WDR25: variants seen among roughly 807,000 people sequenced by gnomAD.
The protein encoded by WDR25 is WD repeat domain 25.
In WDR25, 35 loss-of-function variants were observed where a neutral mutation model predicts 47.7. The observed-to-expected ratio is 0.73, with a 90% CI of 0.56 to 0.97. The LOEUF (loss-of-function observed/expected upper bound fraction) is 0.97, where lower values mean the gene tolerates loss of function less well. Among genes scored for constraint, WDR25 ranks in the 50% least tolerant of loss-of-function variants. The pLI, the probability that WDR25 is intolerant of heterozygous loss-of-function variation, is 0.00. For missense variants in WDR25, 634 were observed against 704.7 expected (o/e 0.90, Z 1.14); for synonymous variants, 248 against 278.9 (o/e 0.89, Z 1.10).
intron 4 of WDR25, among the ~76,000 whole-genome samples, chr14:100,484,515 C>G (rs1474495552): frequency 2.0e-5 from 3 of 151,708 alleles, no homozygotes; most frequent in African/African-American, 7.3e-5. Context: ...TGTTTGCATG[C>G]TTGCGAGAGG....
intron 4 of WDR25, among the ~76,000 whole-genome samples, chr14:100,489,091 A>G (rs992871850): frequency 6.6e-6 from 1 of 152,254 alleles, no homozygotes; most frequent in African/African-American, 2.4e-5. Context: ...CAAATGGGAT[A>G]TGAAGGCTAG....
intron 4 of WDR25, among the ~76,000 whole-genome samples, chr14:100,519,080 A>G (rs573762736): frequency 1.3e-5 from 2 of 152,272 alleles, no homozygotes; most frequent in African/African-American, 4.8e-5. Context: ...CTTTGGGTCA[A>G]CAGCAGGAGT....
At chr14:100,505,286 T>C (rs1901073789) in intron 4 of WDR25, among the ~76,000 whole-genome samples, 1 of 152,208 alleles carries the variant, frequency 6.6e-6, no homozygotes, top group Non-Finnish European at 1.5e-5. Context: ...TCAACAGTTA[T>C]TTATTTCTTT....
intron 2 of WDR25, among the ~76,000 whole-genome samples, chr14:100,408,528 C>G (rs560456820): frequency 2.0e-5 from 3 of 152,120 alleles, no homozygotes; most frequent in South Asian, 2.1e-4. Context: ...TCTGTGCCCC[C>G]CTCCAATCCC....
At chr14:100,435,018 A>G (rs893000471) in intron 2 of WDR25, among the ~76,000 whole-genome samples, 19 of 152,166 alleles carry the variant, frequency 1.2e-4, no homozygotes, top group Non-Finnish European at 2.5e-4. Flanking sequence ...ATGTAGGTGC[A>G]TGAGAACTGT....
intron 2 of WDR25, among the ~76,000 whole-genome samples, chr14:100,408,154 A>C (rs57798805): frequency 0.024 from 3,712 of 152,152 alleles, 161 homozygotes; most frequent in African/African-American, 0.086. Context: ...ACGTGCGTGA[A>C]GCGGTGTGTA....
intron 4 of WDR25, among the ~76,000 whole-genome samples, chr14:100,493,616 G>A (rs1900636748): frequency 6.6e-6 from 1 of 152,150 alleles, no homozygotes; most frequent in South Asian, 2.1e-4. Context: ...TACAGATGGT[G>A]AACCCACAGT....
At chr14:100,415,722 C>T (rs1032985334) in intron 2 of WDR25, among the ~76,000 whole-genome samples, 1 of 152,138 alleles carries the variant, frequency 6.6e-6, no homozygotes, top group African/African-American at 2.4e-5. Flanking sequence ...GCTATGGGAA[C>T]TGGGGCTTAG....
intron 1 of WDR25, among the ~76,000 whole-genome samples, chr14:100,380,597 C>T (rs911370720): frequency 3.3e-5 from 5 of 151,192 alleles, no homozygotes; most frequent in African/African-American, 4.9e-5. Context: ...CAGGTTCAAG[C>T]GATCTCCTGC....
At chr14:100,459,882 A>ATGTGTGTGTGTGTGTGTGTGTG in intron 2 of WDR25, among the ~76,000 whole-genome samples, 1 of 72,078 alleles carries the variant, frequency 1.4e-5, no homozygotes, top group East Asian at 3.9e-4. Flanking sequence ...ATATCCGTAT[A>ATGTGTGTGTGTGTGTGTGTGTG]TGTGTGTGTG....
chr14:100,403,382 T>C (rs751338104), intron 2 of WDR25, among the ~76,000 whole-genome samples: 3 of 152,096 alleles, frequency 2.0e-5, no homozygotes, highest in Non-Finnish European at 4.4e-5. Context: ...GGAGAGTGAA[T>C]TGGAGGCAAA....
chr14:100,452,700 G>A (rs1052283948), intron 2 of WDR25, among the ~76,000 whole-genome samples: 2 of 151,828 alleles, frequency 1.3e-5, no homozygotes, highest in Non-Finnish European at 2.9e-5. Flanking sequence ...TTTGTGGGGT[G>A]GGGGGCTATA....
At position 100,525,962 on chromosome 14, in the gene WDR25, C is replaced by T; in HGVS notation, c.1194C>T (p.Ser398=). The part of the protein sequence containing the change: ...GSEFLSSTDA[S]TRDSADRTII... ...AGTTCCTGAGCAGCACAGACGCTTCCACCCGGGACTCAGCTGACCGCACCA... is the reference window on the plus strand; with the variant it reads ...AGTTCCTGAGCAGCACAGACGCTTCTACCCGGGACTCAGCTGACCGCACCA... The change falls in exon 5 of 7, where the codon TCC becomes TCT. Residue 398 remains serine (S), a synonymous_variant. Coordinates refer to ENST00000402312, the MANE Select transcript of WDR25 (RefSeq NM_001161476.3). This position sits in a 1 kb window ranked among gnomAD's most constrained non-coding sequence, Gnocchi z 4.6. The T allele has an allele frequency of 6.2e-7, 1 of 1,614,092 alleles. No homozygotes were observed. The highest frequency in any genetic ancestry group is 8.5e-7 in the Non-Finnish European group (1 of 1,179,990).
intron 4 of WDR25, among the ~76,000 whole-genome samples, chr14:100,493,307 T>C (rs1279536030): frequency 6.6e-6 from 1 of 152,190 alleles, no homozygotes; most frequent in Non-Finnish European, 1.5e-5. Context: ...CCCCAGCCCC[T>C]GGCAACCATA....
At chr14:100,510,125 C>T (rs1901253686) in intron 4 of WDR25, among the ~76,000 whole-genome samples, 1 of 151,796 alleles carries the variant, frequency 6.6e-6, no homozygotes, top group African/African-American at 2.4e-5. Context: ...CACAAAATAG[C>T]TGGGCGTGGT....
intron 3 of WDR25, among the ~76,000 whole-genome samples, chr14:100,483,419 T>G (rs975078153): frequency 6.6e-6 from 1 of 152,170 alleles, no homozygotes; most frequent in African/African-American, 2.4e-5. Context: ...CCCTGTCCAA[T>G]CTGTGCTTGG....
intron 4 of WDR25, among the ~76,000 whole-genome samples, chr14:100,485,731 C>G (rs1900361706): frequency 6.6e-6 from 1 of 152,182 alleles, no homozygotes; most frequent in Admixed American, 6.5e-5. Context: ...GAGGGTGAGA[C>G]AGAGCCCCCA....
chr14:100,378,068 T>C (rs1297560226), intron 1 of WDR25, among the ~76,000 whole-genome samples: 1 of 152,218 alleles, frequency 6.6e-6, no homozygotes, highest in Admixed American at 6.5e-5. Flanking sequence ...CTCTGGATTG[T>C]GCTTGGTGCT....
chr14:100,422,897 A>G (rs1470974308), intron 2 of WDR25, among the ~76,000 whole-genome samples: 1 of 152,044 alleles, frequency 6.6e-6, no homozygotes, highest in Non-Finnish European at 1.5e-5. Flanking sequence ...TCAAAGTGCT[A>G]TTTTTTGGCT....
Sources: gnomAD v4.1 joint callset for allele counts (sites outside exome capture counted in the v4.1 genomes callset) on GRCh38, gnomAD v4.1.1 for gene constraint, Gnocchi (gnomAD v3.1) non-coding constraint, MANE v1.5 for transcripts, NCBI Gene and HGNC (gene_info 2026-07-23, HGNC 2026-07-21) for gene names.